The following PIK3CD variants were observed in gnomAD, a reference collection of about 807,000 sequenced individuals.
PIK3CD encodes phosphatidylinositol-4,5-bisphosphate 3-kinase catalytic subunit delta, also known as phosphatidylinositol 4,5-bisphosphate 3-kinase catalytic subunit delta isoform.
Under a neutral mutation model 122.9 loss-of-function variants are expected in PIK3CD, and 20 were observed. The observed-to-expected ratio is 0.16, with a 90% CI of 0.11 to 0.24. The LOEUF (loss-of-function observed/expected upper bound fraction) is 0.24, where lower values mean the gene tolerates loss of function less well. Among genes scored for constraint, PIK3CD ranks in the 10% least tolerant of loss-of-function variants. PIK3CD has a pLI of 1.00. For missense variants in PIK3CD, 787 were observed against 1,406.3 expected (o/e 0.56, Z 7.04); for synonymous variants, 596 against 593.4 (o/e 1.00, Z -0.06).
In PIK3CD at chr1:9,727,458, G is replaced by A. The variant is rs1161672768; in HGVS notation, c.*412G>A. 3.1e-5 allele frequency: 12 copies of A among 388,226 alleles called. No homozygotes were observed. The highest frequency in any genetic ancestry group is 2.2e-4 in the South Asian group (9 of 41,054). The allele number at this position is 388,226 out of a possible 1,614,324, so 24.0% of individuals were successfully genotyped here. A position where few individuals can be genotyped will look rare whatever the true frequency, so the allele number is the denominator to read the frequency against. On this transcript the variant is annotated 3_prime_UTR_variant, in exon 24 of 24. Transcript: ENST00000377346. Reference sequence around the variant, plus strand: ...TGTCCGACAGGATGCCTTGATCCTCGTGCGACCCACCCTGTGTATCCTCCC... The same window carrying A: ...TGTCCGACAGGATGCCTTGATCCTCATGCGACCCACCCTGTGTATCCTCCC...
chr1:9,678,976 G>A (rs936455421), intron 1 of PIK3CD, among the ~76,000 whole-genome samples: 3 of 151,964 alleles, frequency 2.0e-5, no homozygotes, highest in Non-Finnish European at 4.4e-5. Flanking sequence ...GGCCCCTTTT[G>A]TGGGAAGGGC....
chr1:9,666,117 G>A (rs1431629765), intron 1 of PIK3CD, among the ~76,000 whole-genome samples: 1 of 150,934 alleles, frequency 6.6e-6, no homozygotes, highest in Non-Finnish European at 1.5e-5. Flanking sequence ...TAGCAGAGAT[G>A]GGGTTTCACC....
chr1:9,724,809 G>A lies in PIK3CD; in HGVS notation c.2870G>A (p.Arg957Gln), dbSNP rs201362243. ...CCTCTGTCCCCTACCTGCAGGTTCC[G>A]GGGCTACTGTGAAAGGGCCTACACC... is the stretch of plus-strand genomic sequence containing the variant. ...TNNSEKFERF[R>Q]GYCERAYTIL... Residue 957 changes from arginine to glutamine, a missense_variant, in exon 23 of 24, where the codon CGG (arginine) becomes CAG (glutamine). By Grantham distance (43) the Arg-to-Gln change is conservative. Around this residue, in one of 6 missense-constraint regions of PIK3CD, gnomAD observed 60 missense variants for 129.5 expected, o/e 0.46. Transcript: ENST00000377346. The surrounding 1 kb of genome is among the most constrained non-coding windows in gnomAD (Gnocchi z 7.3). 14 of 1,613,018 alleles carry A rather than the reference G, an allele frequency of 8.7e-6. No individual in the cohort carries two copies. The highest frequency in any genetic ancestry group is 1.2e-5 in the Non-Finnish European group (14 of 1,180,034).
rs906973167 is a variant in PIK3CD, at chr1:9,721,777, C to A, written c.1972C>A (p.Pro658Thr). The change falls in exon 16 of 24, where the codon CCG becomes ACG. Residue 658 changes from proline (P) to threonine (T), a missense_variant. Coordinates refer to ENST00000377346, the MANE Select transcript of PIK3CD (RefSeq NM_005026.5). ...FWHLRSEMHV[P>T]SVALRFGLIL... is the part of the protein sequence containing the mutation. ...ACCTTCCAGCTCCGAGATGCACGTGCCGTCGGTGGCCCTGCGCTTCGGCCT... is the reference window on the plus strand; with the variant it reads ...ACCTTCCAGCTCCGAGATGCACGTGACGTCGGTGGCCCTGCGCTTCGGCCT... The A allele has an allele frequency of 1.3e-5, 21 of 1,613,112 alleles. No homozygotes were observed. The highest frequency in any genetic ancestry group is 1.5e-5 in the Non-Finnish European group (18 of 1,179,948).
intron 2 of PIK3CD, among the ~76,000 whole-genome samples, chr1:9,693,167 A>AT (rs1382216959): frequency 5.3e-5 from 8 of 152,074 alleles, no homozygotes; most frequent in Non-Finnish European, 1.5e-5. Context: ...TCGTTGGAGT[A>AT]TCCTCCCCCA....
intron 1 of PIK3CD, among the ~76,000 whole-genome samples, chr1:9,675,673 C>G (rs1359291670): frequency 6.6e-6 from 1 of 151,994 alleles, no homozygotes; most frequent in Admixed American, 6.6e-5. Context: ...CTTCCTGGCT[C>G]TTTTTCACTT....
Position 9,724,808 on chromosome 1 carries a change from C to T in PIK3CD, c.2869C>T (p.Arg957Trp), listed in dbSNP as rs758647199. The part of the protein sequence containing the change: ...TNNSEKFERF[R>W]GYCERAYTIL... ...TCCTCTGTCCCCTACCTGCAGGTTC[C>T]GGGGCTACTGTGAAAGGGCCTACAC... The change falls in exon 23 of 24, where the codon CGG becomes TGG. Residue 957 changes from arginine to tryptophan, a missense_variant. Arg to Trp is a moderately radical substitution (Grantham distance 101). Coordinates refer to ENST00000377346, the MANE Select transcript of PIK3CD (RefSeq NM_005026.5). The surrounding 1 kb of genome is among the most constrained non-coding windows in gnomAD (Gnocchi z 7.3). The T allele has an allele frequency of 1.4e-5, 23 of 1,612,854 alleles. No individual in the cohort carries two copies. The highest frequency in any genetic ancestry group is 5.0e-5 in the Admixed American group (3 of 60,004).
chr1:9,660,715 A>C (rs1644986550), intron 1 of PIK3CD: 1 of 151,736 alleles, frequency 6.6e-6, no homozygotes, highest in Admixed American at 6.6e-5. Context: ...CCACCCCTTC[A>C]TGCCTTTGTC....
chr1:9,698,300 G>A (rs983808681), intron 2 of PIK3CD, among the ~76,000 whole-genome samples: 4 of 152,012 alleles, frequency 2.6e-5, no homozygotes, highest in Admixed American at 2.0e-4. Flanking sequence ...GCGCCACCAC[G>A]CCCAACTAAT....
chr1:9,630,022 C>G, the PIK3CD span, among the ~76,000 whole-genome samples: 2 of 152,250 alleles, frequency 1.3e-5, no homozygotes, highest in South Asian at 2.1e-4. Flanking sequence ...GCTTTGCACT[C>G]TGCACTCTCC....
chr1:9,722,097 G>A lies in PIK3CD; in HGVS notation c.2178G>A (p.Glu726=). 1.2e-6 allele frequency: 2 copies of A among 1,613,452 alleles called. No homozygotes were observed. Among genetic ancestry groups the A allele is most frequent in the Admixed American group, 1.7e-5 (1 of 60,024 alleles). The part of the protein sequence containing the change: ...HLCMRQEAYL[E]ALSHLQSPLD... ...GCATGCGGCAGGAGGCCTACCTAGAGGCCCTCTCCCACCTGCAGTCCCCAC... is the reference window on the plus strand; with the variant it reads ...GCATGCGGCAGGAGGCCTACCTAGAAGCCCTCTCCCACCTGCAGTCCCCAC... Residue 726 remains glutamate (E), a synonymous_variant, in exon 17 of 24, where the codon GAG becomes GAA. Coordinates refer to ENST00000377346, the MANE Select transcript of PIK3CD (RefSeq NM_005026.5). This position sits in a 1 kb window ranked among gnomAD's most constrained non-coding sequence, Gnocchi z 7.6.
chr1:9,686,402 GT>G (rs1354146188), intron 1 of PIK3CD, among the ~76,000 whole-genome samples: 1 of 145,654 alleles, frequency 6.9e-6, no homozygotes, highest in Non-Finnish European at 1.5e-5. Flanking sequence ...AGGTCTCACT[GT>G]TTTGCCCAGG....
At position 9,727,108 on chromosome 1, in the gene PIK3CD, T is replaced by A; in HGVS notation, c.*62T>A. On this transcript the variant is annotated 3_prime_UTR_variant, in exon 24 of 24. Coordinates refer to ENST00000377346, the MANE Select transcript of PIK3CD (RefSeq NM_005026.5). ...TGCGGGTCGTGGGGACCAAGCACAT[T>A]GGTCCTAAAGGGGCTGAAGAGCCTG... 11 of 1,603,810 alleles carry A rather than the reference T, an allele frequency of 6.9e-6. No individual in the cohort carries two copies. Among genetic ancestry groups the A allele is most frequent in the Non-Finnish European group, 9.4e-6 (11 of 1,172,070 alleles).
rs1280382889 is a variant in PIK3CD, at chr1:9,722,189, C to CG, written c.2234+36_2234+37insG. On this transcript the variant is annotated intron_variant, in intron 17 of 23. Coordinates refer to ENST00000377346, the MANE Select transcript of PIK3CD (RefSeq NM_005026.5). The surrounding 1 kb of genome is among the most constrained non-coding windows in gnomAD (Gnocchi z 7.6). The stretch of plus-strand genomic sequence containing the variant: ...GCCCCGCCACAAGGGTTCCTCCCAC[C>CG]CCTGGGAGGCCGGTAGAGGAGCCCC... The CG allele has an allele frequency of 6.2e-7, 1 of 1,611,210 alleles. No homozygotes were observed. Among genetic ancestry groups the CG allele is most frequent in the Admixed American group, 1.7e-5 (1 of 59,842 alleles).
chr1:9,643,192 G>C, the PIK3CD span, among the ~76,000 whole-genome samples: 1 of 151,222 alleles, frequency 6.6e-6, no homozygotes, highest in Non-Finnish European at 1.5e-5. Flanking sequence ...GTGGATCACC[G>C]GAGGTCGGGA....
intron 3 of PIK3CD, among the ~76,000 whole-genome samples, chr1:9,711,469 C>T (rs1403301914): frequency 6.6e-6 from 1 of 152,192 alleles, no homozygotes; most frequent in East Asian, 1.9e-4. Flanking sequence ...CAGCTTTCCC[C>T]ATTTCACAGT....
In PIK3CD at chr1:9,721,700, C is replaced by T. The variant is rs528416621; in HGVS notation, c.1956-61C>T. The T allele has an allele frequency of 4.4e-6, 7 of 1,606,074 alleles. No individual in the cohort carries two copies. The South Asian group carries it at 4.4e-5, about 10-fold the overall frequency. Reference sequence around the variant, plus strand: ...GGTGTCCTGGCCTCGCTAGGTCCTGCTGGGCGGGAGGGGCTGCGTGGTGCT... The same window carrying T: ...GGTGTCCTGGCCTCGCTAGGTCCTGTTGGGCGGGAGGGGCTGCGTGGTGCT... On this transcript the variant is annotated intron_variant, in intron 15 of 23. Transcript: ENST00000377346.
At chr1:9,709,142 G>A (rs577049269) in intron 2 of PIK3CD, among the ~76,000 whole-genome samples, 3 of 152,102 alleles carry the variant, frequency 2.0e-5, no homozygotes, top group East Asian at 3.9e-4. Flanking sequence ...CGATTCTCCT[G>A]TGTCAGCCTC....
chr1:9,715,696 G>A lies in PIK3CD; in HGVS notation c.297G>A (p.Leu99=). 6.2e-7 allele frequency: 1 copy of A among 1,613,640 alleles called. No homozygotes were observed. The highest frequency in any genetic ancestry group is 8.5e-7 in the Non-Finnish European group (1 of 1,180,034). The part of the protein sequence containing the change: ...LCDVQPFLPV[L]RLVAREGDRV... ...ACGTGCAGCCCTTCCTGCCCGTCCT[G>A]CGCCTGGTGGCCCGTGAGGGCGACC... is the stretch of plus-strand genomic sequence containing the variant. Residue 99 remains leucine (L), a synonymous_variant, in exon 4 of 24, where the codon CTG becomes CTA. Transcript: ENST00000377346. The surrounding 1 kb of genome is among the most constrained non-coding windows in gnomAD (Gnocchi z 4.1).
Sources: gnomAD v4.1 joint callset for allele counts (sites outside exome capture counted in the v4.1 genomes callset) on GRCh38, gnomAD v4.1.1 for gene constraint, gnomAD v4.1.1 regional missense constraint, Gnocchi (gnomAD v3.1) non-coding constraint, MANE v1.5 for transcripts, NCBI Gene and HGNC (gene_info 2026-07-23, HGNC 2026-07-21) for gene names.